Variants in OSBPL10 observed in about 807,000 individuals in gnomAD.
OSBPL10 encodes oxysterol binding protein like 10, also known as oxysterol-binding protein-related protein 10.
A neutral mutation model predicts 81.7 loss-of-function variants in OSBPL10; 49 were observed. The ratio of observed to expected loss-of-function variants is 0.60; its 90% CI spans 0.48 to 0.76. The LOEUF (loss-of-function observed/expected upper bound fraction) is 0.76. Ranked by LOEUF, OSBPL10 falls within the 30% of genes least tolerant of loss-of-function variation. The pLI is 0.00. For missense variants in OSBPL10, 923 were observed against 987.8 expected (o/e 0.93, Z 0.88); for synonymous variants, 419 against 383.6 (o/e 1.09, Z -1.08).
chr3:31,880,810 A>G (rs1695551739), intron 1 of OSBPL10, among the ~76,000 whole-genome samples: 2 of 152,268 alleles, frequency 1.3e-5, no homozygotes, highest in Non-Finnish European at 2.9e-5. Context: ...AGTCCACCAC[A>G]CCCTTTTGAA....
chr3:32,009,088 C>T (rs766401334), intron 2 of OSBPL10, among the ~76,000 whole-genome samples: 1 of 152,184 alleles, frequency 6.6e-6, no homozygotes, highest in Non-Finnish European at 1.5e-5. Context: ...TGTGTTTTTA[C>T]AGTCACTGTA....
chr3:31,787,372 A>T, intron 4 of OSBPL10, among the ~76,000 whole-genome samples: 1 of 152,128 alleles, frequency 6.6e-6, no homozygotes, highest in East Asian at 1.9e-4. Context: ...AGGCGGGCAG[A>T]TCACCTGAGG....
intron 4 of OSBPL10, among the ~76,000 whole-genome samples, chr3:31,780,166 G>A (rs942198060): frequency 4.6e-5 from 7 of 152,032 alleles, no homozygotes; most frequent in South Asian, 2.1e-4. Flanking sequence ...GGTGGCAGGC[G>A]CCTGTAGTCC....
Position 31,803,063 on chromosome 3 carries a change from G to A in OSBPL10, c.729+26977C>T, listed in dbSNP as rs575026486. Among the ~76,000 whole-genome samples, 3 of 138,374 alleles carry A rather than the reference G, an allele frequency of 2.2e-5. No individual in the cohort carries two copies. In the South Asian group the frequency reaches 7.0e-4, roughly 32 times the overall value. 90.8% of individuals were successfully genotyped at this position (138,374 alleles called of 152,430 possible). On this transcript the variant is annotated intron_variant, in intron 4 of 11. Coordinates refer to ENST00000396556, the MANE Select transcript of OSBPL10 (RefSeq NM_017784.5). ...AAGTGGCTTTTCTAAAATCACACAT[G>A]ATTCAGTGAGAATCCCCTGAATAAT...
chr3:31,743,016 C>G (rs942681058), intron 5 of OSBPL10, among the ~76,000 whole-genome samples: 1 of 147,910 alleles, frequency 6.8e-6, no homozygotes, highest in African/African-American at 2.5e-5. Flanking sequence ...AAGTCTTGAC[C>G]GAAAAGCTAA....
chr3:31,806,800 G>A (rs1387222406), intron 4 of OSBPL10, among the ~76,000 whole-genome samples: 2 of 151,910 alleles, frequency 1.3e-5, no homozygotes, highest in East Asian at 1.9e-4. Context: ...GGGGGGTGGG[G>A]GGAGCCATGT....
intron 2 of OSBPL10, among the ~76,000 whole-genome samples, chr3:32,005,009 CA>C (rs1165579123): frequency 1.3e-5 from 2 of 152,252 alleles, no homozygotes; most frequent in East Asian, 3.9e-4. Flanking sequence ...TAAAATCATA[CA>C]GAAGTGGTAT....
intron 2 of OSBPL10, among the ~76,000 whole-genome samples, chr3:32,034,009 T>C (rs1275790914): frequency 6.6e-6 from 1 of 152,130 alleles, no homozygotes; most frequent in African/African-American, 2.4e-5. Flanking sequence ...CTTACAATCA[T>C]GGCGGCTGGC....
At chr3:31,856,799 GAC>G (rs1359381071) in intron 3 of OSBPL10, among the ~76,000 whole-genome samples, 5 of 152,212 alleles carry the variant, frequency 3.3e-5, no homozygotes, top group African/African-American at 1.2e-4. Context: ...ATGTAGGCCA[GAC>G]ACAGTGGCTC....
intron 1 of OSBPL10, among the ~76,000 whole-genome samples, chr3:31,935,191 T>C (rs970754647): frequency 2.6e-5 from 4 of 152,194 alleles, no homozygotes; most frequent in Non-Finnish European, 5.9e-5. Flanking sequence ...CTGTGTCACC[T>C]TTGGCAACAG....
chr3:32,019,021 G>GA (rs1161410187), intron 2 of OSBPL10, among the ~76,000 whole-genome samples: 3 of 151,998 alleles, frequency 2.0e-5, no homozygotes, highest in South Asian at 2.1e-4. Context: ...AGGAAAAAAG[G>GA]AAAAAAAGGT....
chr3:31,702,309 A>G, intron 7 of OSBPL10, 50 bp downstream of exon 7: 1 of 1,595,654 alleles, frequency 6.3e-7, no homozygotes, highest in Non-Finnish European at 8.6e-7. Flanking sequence ...TTGAGGATAG[A>G]GACAGAACCC....
chr3:31,666,096 A>G (rs1700183374), intron 10 of OSBPL10, among the ~76,000 whole-genome samples: 1 of 152,198 alleles, frequency 6.6e-6, no homozygotes, highest in South Asian at 2.1e-4. Flanking sequence ...ATTCAGTAAG[A>G]AAAGCCAAAG....
At chr3:31,716,456 G>A (rs1351107735) in intron 6 of OSBPL10, among the ~76,000 whole-genome samples, 1 of 152,134 alleles carries the variant, frequency 6.6e-6, no homozygotes, top group South Asian at 2.1e-4. Context: ...TGCTCCCCGA[G>A]GCCCTCCAGG....
intron 1 of OSBPL10, among the ~76,000 whole-genome samples, chr3:31,924,437 C>A (rs930949457): frequency 6.6e-6 from 1 of 151,984 alleles, no homozygotes; most frequent in African/African-American, 2.4e-5. Flanking sequence ...AGAGTAGATT[C>A]AAGACTTCCT....
intron 4 of OSBPL10, among the ~76,000 whole-genome samples, chr3:31,799,508 C>T (rs1004292038): frequency 6.6e-6 from 1 of 151,500 alleles, no homozygotes; most frequent in African/African-American, 2.4e-5. Flanking sequence ...TATTTAACCT[C>T]TCTTAGCCTC....
chr3:32,074,472 T>C (rs1248817618), intron 1 of OSBPL10, among the ~76,000 whole-genome samples: 2 of 152,148 alleles, frequency 1.3e-5, no homozygotes, highest in Non-Finnish European at 1.5e-5. Flanking sequence ...GATGGGAGCA[T>C]TCCAACTTCA....
chr3:31,747,740 CAT>C (rs1219094659), intron 5 of OSBPL10, among the ~76,000 whole-genome samples, 168 bp downstream of exon 5: 4 of 152,064 alleles, frequency 2.6e-5, no homozygotes, highest in East Asian at 3.9e-4. Context: ...TAACTTGTAA[CAT>C]AAAAATATAT....
chr3:31,808,028 G>A (rs927793387), intron 4 of OSBPL10, among the ~76,000 whole-genome samples: 4 of 152,058 alleles, frequency 2.6e-5, no homozygotes, highest in African/African-American at 4.8e-5. Flanking sequence ...CATGAAGAAC[G>A]TGCCACAGAC....
Sources: allele counts gnomAD v4.1 joint callset (sites outside exome capture counted in the v4.1 genomes callset), GRCh38; gene constraint gnomAD v4.1.1; transcripts MANE v1.5; gene names NCBI Gene and HGNC (gene_info 2026-07-23, HGNC 2026-07-21).